Variants in MRPS6 observed in about 807,000 individuals in gnomAD.
MRPS6 encodes the protein mitochondrial ribosomal protein S6.
A neutral mutation model predicts 13.1 loss-of-function variants in MRPS6; 6 were observed. The observed-to-expected ratio is 0.46, with a 90% CI of 0.25 to 0.91. The LOEUF is 0.91. Ranked by LOEUF, MRPS6 falls within the 40% of genes least tolerant of loss-of-function variation. The pLI is 0.18. For missense variants in MRPS6, 164 were observed against 155.6 expected (o/e 1.05, Z -0.29); for synonymous variants, 61 against 56.5 (o/e 1.08, Z -0.36).
At position 34,142,814 on chromosome 21, in the gene MRPS6, A is replaced by G. The variant is rs140868840; in HGVS notation, c.*214A>G. On this transcript the variant is annotated 3_prime_UTR_variant, in exon 3 of 3. Transcript: ENST00000399312. ...TCTCTGTAACCTGCAGTACCAGTGG[A>G]TCGTTCTTGATTTTGTTTTCATTAG... 81 of 446,556 alleles carry G rather than the reference A, an allele frequency of 1.8e-4. No individual in the cohort carries two copies. The highest frequency in any genetic ancestry group is 1.4e-3 in the African/African-American group (67 of 49,462). 27.7% of individuals were successfully genotyped at this position (446,556 alleles called of 1,614,324 possible). A position where few individuals can be genotyped will look rare whatever the true frequency, so the allele number is the denominator to read the frequency against.
At chr21:34,079,278 A>G (rs1989404663) in intron 1 of MRPS6, among the ~76,000 whole-genome samples, 1 of 152,164 alleles carries the variant, frequency 6.6e-6, no homozygotes, top group Admixed American at 6.5e-5. Flanking sequence ...TTGGAACATG[A>G]CCCTGTTCTT....
intron 1 of MRPS6, chr21:34,100,576 AGG>A: frequency 1.0e-6 from 1 of 1,000,276 alleles, no homozygotes; most frequent in Non-Finnish European, 1.2e-6. Context: ...GAGCCTGGCC[AGG>A]GTCATGTAGC....
chr21:34,091,331 G>T (rs1052948039), intron 1 of MRPS6, among the ~76,000 whole-genome samples: 1 of 152,066 alleles, frequency 6.6e-6, no homozygotes, highest in Non-Finnish European at 1.5e-5. Flanking sequence ...CTTGTTCCTT[G>T]TTTGGTTTTA....
At chr21:34,121,022 G>T (rs1023853568) in intron 1 of MRPS6, among the ~76,000 whole-genome samples, 2 of 140,632 alleles carry the variant, frequency 1.4e-5, no homozygotes, top group East Asian at 3.9e-4. Context: ...TCTAGCACCT[G>T]TTCGATGAGT....
chr21:34,096,669 T>C lies in MRPS6; in HGVS notation c.45+22924T>C, dbSNP rs574501087. The C allele has an allele frequency of 6.2e-7, 1 of 1,614,146 alleles. No individual in the cohort carries two copies. The highest frequency in any genetic ancestry group is 1.1e-5 in the South Asian group (1 of 91,082). ...AGTCCGTTTGATACTGGCCTTTGCC[T>C]ACCGTGCCCCAGAATGTGACCAACC... On this transcript the variant is annotated intron_variant, in intron 1 of 2. Coordinates refer to ENST00000399312, the MANE Select transcript of MRPS6 (RefSeq NM_032476.4). This position sits in a 1 kb window ranked among gnomAD's most constrained non-coding sequence, Gnocchi z 5.9.
chr21:34,134,320 C>G (rs1314912371), intron 2 of MRPS6, among the ~76,000 whole-genome samples: 1 of 152,166 alleles, frequency 6.6e-6, no homozygotes, highest in East Asian at 1.9e-4. Flanking sequence ...GTGCAAGTCA[C>G]TGCTTCAAGA....
intron 2 of MRPS6, chr21:34,135,891 T>G: frequency 1.9e-6 from 1 of 517,724 alleles, no homozygotes; most frequent in Non-Finnish European, 3.6e-6. Flanking sequence ...CATAAGGCCC[T>G]GCATTGTGAG....
intron 2 of MRPS6, among the ~76,000 whole-genome samples, chr21:34,140,268 G>T (rs1980864474): frequency 6.6e-6 from 1 of 151,238 alleles, no homozygotes; most frequent in African/African-American, 2.4e-5. Context: ...TGAATTTCCT[G>T]ACAAGTATTG....
intron 1 of MRPS6, chr21:34,101,498 T>C: frequency 1.0e-6 from 1 of 1,000,218 alleles, no homozygotes; most frequent in Non-Finnish European, 1.2e-6. Flanking sequence ...CAGACTTCTT[T>C]ACAAATGGGA....
chr21:34,099,984 T>TA (rs1306898312), intron 1 of MRPS6: 1 of 548,232 alleles, frequency 1.8e-6, no homozygotes, highest in Non-Finnish European at 2.4e-6. Flanking sequence ...GGAATGATCA[T>TA]ACATGGACTG....
At chr21:34,097,609 A>G in intron 1 of MRPS6, 6 of 1,211,122 alleles carry the variant, frequency 5.0e-6, no homozygotes, top group Non-Finnish European at 6.2e-6. Context: ...TACCAAAGTA[A>G]GAAGAGACCA....
intron 1 of MRPS6, among the ~76,000 whole-genome samples, chr21:34,118,850 G>A (rs929274816): frequency 1.3e-5 from 2 of 151,950 alleles, no homozygotes; most frequent in African/African-American, 4.8e-5. Context: ...TATATAATAT[G>A]ATTCATAAGC....
intron 1 of MRPS6, among the ~76,000 whole-genome samples, chr21:34,075,718 C>T (rs1989314278): frequency 1.3e-5 from 2 of 152,178 alleles, no homozygotes; most frequent in African/African-American, 2.4e-5. Context: ...AATAGCTTCT[C>T]AGTTATTTGT....
chr21:34,093,291 C>T (rs1189737905), intron 1 of MRPS6, among the ~76,000 whole-genome samples: 4 of 151,052 alleles, frequency 2.6e-5, no homozygotes, highest in African/African-American at 7.3e-5. Flanking sequence ...TTATGCCAGC[C>T]GTTGACACTT....
chr21:34,103,721 C>T, intron 1 of MRPS6: 2 of 1,000,020 alleles, frequency 2.0e-6, no homozygotes, highest in Non-Finnish European at 2.4e-6. Context: ...AAGCCCAAGA[C>T]AATGCGGTAT....
chr21:34,106,295 T>C (rs2148663368), intron 1 of MRPS6: 2 of 438,874 alleles, frequency 4.6e-6, no homozygotes, highest in Non-Finnish European at 6.3e-6. Flanking sequence ...GTATGAACAC[T>C]GCCACAATGT....
At chr21:34,101,625 T>G in intron 1 of MRPS6, 1 of 1,000,216 alleles carries the variant, frequency 1.0e-6, no homozygotes, top group Non-Finnish European at 1.2e-6. Context: ...CTTAGCAAAT[T>G]CAAATTTTGA....
At chr21:34,124,760 C>G (rs1980242860) in intron 1 of MRPS6, 1 of 152,122 alleles carries the variant, frequency 6.6e-6, no homozygotes, top group Non-Finnish European at 1.5e-5. Flanking sequence ...GTATTCTGCC[C>G]TCTGCTCTCC....
chr21:34,129,298 T>C (rs1046394260), intron 2 of MRPS6, among the ~76,000 whole-genome samples: 24 of 152,242 alleles, frequency 1.6e-4, no homozygotes, highest in Admixed American at 9.8e-4. Flanking sequence ...GGGGCTGAGC[T>C]GAGACTGAGA....
Sources: gnomAD v4.1 joint callset for allele counts (sites outside exome capture counted in the v4.1 genomes callset) on GRCh38, gnomAD v4.1.1 for gene constraint, Gnocchi (gnomAD v3.1) non-coding constraint, MANE v1.5 for transcripts, NCBI Gene and HGNC (gene_info 2026-07-23, HGNC 2026-07-21) for gene names.